MLLT3: variants seen among roughly 807,000 people sequenced by gnomAD.
MLLT3 encodes the protein protein AF-9.
Under a neutral mutation model 53.2 loss-of-function variants are expected in MLLT3, and 4 were observed. The ratio of observed to expected loss-of-function variants is 0.08; its 90% CI spans 0.04 to 0.17. MLLT3 has a LOEUF of 0.17. Among genes scored for constraint, MLLT3 ranks in the 10% least tolerant of loss-of-function variants. The probability of loss-of-function intolerance (pLI) is 1.00; values close to 1 mark genes in which losing one functional copy is unlikely to be tolerated. For synonymous variants in MLLT3, 283 were observed against 230.6 expected, an observed-to-expected ratio of 1.23 and a Z score of -2.06; for missense variants, 569 against 684.0, an observed-to-expected ratio of 0.83 and a Z score of 1.87.
rs1325847138 is a variant in MLLT3, at chr9:20,471,393, G to A, written c.194-14607C>T. The stretch of plus-strand genomic sequence containing the variant: ...AATATTCAGAAAGTCAAGGAGGACT[G>A]AGGTCTAGGTCTTCCACCTATGCGT... On this transcript the variant is annotated intron_variant, in intron 2 of 10. Transcript: ENST00000380338. Among the ~76,000 whole-genome samples, 5 of 152,004 alleles carry A rather than the reference G, an allele frequency of 3.3e-5. No homozygotes were observed. The South Asian group carries it at 6.2e-4, about 19-fold the overall frequency.
In MLLT3 at chr9:20,622,250, T is replaced by G; in HGVS notation, c.7A>C (p.Ser3Arg). The change falls in exon 1 of 11, where the codon AGC becomes CGC. Residue 3 changes from serine to arginine, a missense_variant. Physicochemically the swap from Ser to Arg is moderately radical, Grantham distance 110. Coordinates refer to ENST00000380338, the MANE Select transcript of MLLT3 (RefSeq NM_004529.4). The part of the protein sequence containing the change: MA[S>R]SCAVQVKLEL... ...TTATTTTTGCGCGTACTTACCGAGC[T>G]AGCCATGCCTGGGGGCCCGGAGGTT... 1 of 1,600,314 alleles carries G rather than the reference T, an allele frequency of 6.2e-7. No individual in the cohort carries two copies. Among genetic ancestry groups the G allele is most frequent in the Non-Finnish European group, 8.5e-7 (1 of 1,172,668 alleles).
chr9:20,621,674 C>T lies in MLLT3; in HGVS notation c.12+571G>A. 2 of 1,227,228 alleles carry T rather than the reference C, an allele frequency of 1.6e-6. No homozygotes were observed. Among genetic ancestry groups the T allele is most frequent in the South Asian group, 1.5e-5 (1 of 66,666 alleles). 76.0% of individuals were successfully genotyped at this position (1,227,228 alleles called of 1,614,324 possible). A position where few individuals can be genotyped will look rare whatever the true frequency, so the allele number is the denominator to read the frequency against. On this transcript the variant is annotated intron_variant, in intron 1 of 10. Coordinates refer to ENST00000380338, the MANE Select transcript of MLLT3 (RefSeq NM_004529.4). This position sits in a 1 kb window ranked among gnomAD's most constrained non-coding sequence, Gnocchi z 7.0. Reference sequence around the variant, plus strand: ...CGGACAGCCGCCGAGCCTCGGCTCGCGCTCAGCACCTCCCGGCGCTGGGGC... The same window carrying T: ...CGGACAGCCGCCGAGCCTCGGCTCGTGCTCAGCACCTCCCGGCGCTGGGGC...
At chr9:20,375,126 G>T (rs2118679958) in intron 5 of MLLT3, among the ~76,000 whole-genome samples, 1 of 152,316 alleles carries the variant, frequency 6.6e-6, no homozygotes, top group East Asian at 1.9e-4. Context: ...TGTTGCTTAA[G>T]ACACTCAGTC....
At chr9:20,597,230 A>C (rs60273282) in intron 2 of MLLT3, among the ~76,000 whole-genome samples, 3,960 of 152,154 alleles carry the variant, frequency 0.026, 192 homozygotes, top group African/African-American at 0.089. Context: ...TAATTATTGG[A>C]GAGTACCCAG....
Position 20,621,050 on chromosome 9 carries a change from G to C in MLLT3, c.13-216C>G. 2.9e-6 allele frequency: 2 copies of C among 689,920 alleles called. No homozygotes were observed. The highest frequency in any genetic ancestry group is 5.2e-6 in the Non-Finnish European group (2 of 381,644). 42.7% of individuals were successfully genotyped at this position (689,920 alleles called of 1,614,324 possible). On this transcript the variant is annotated intron_variant, in intron 1 of 10. Coordinates refer to ENST00000380338, the MANE Select transcript of MLLT3 (RefSeq NM_004529.4). This position sits in a 1 kb window ranked among gnomAD's most constrained non-coding sequence, Gnocchi z 7.0. Reference sequence around the variant, plus strand: ...CCCGGCTTGGCCCCAGGCGCCCCGGGCCCCGCATCTACATCGGACAGGATT... The same window carrying C: ...CCCGGCTTGGCCCCAGGCGCCCCGGCCCCCGCATCTACATCGGACAGGATT...
chr9:20,355,471 T>A (rs753951665), intron 8 of MLLT3, among the ~76,000 whole-genome samples: 1 of 152,232 alleles, frequency 6.6e-6, no homozygotes, highest in Admixed American at 6.5e-5. Flanking sequence ...TTTCCTTTTA[T>A]CTGGACTGAT....
At position 20,441,751 on chromosome 9, in the gene MLLT3, A is replaced by G. The variant is rs151064076; in HGVS notation, c.420+6372T>C. On this transcript the variant is annotated intron_variant, in intron 4 of 10. Transcript: ENST00000380338. ...TCCAAAACAAATATCCAAAAATCCAATGAAGCTGCCCAGTGACAGCCACTA... is the reference window on the plus strand; with the variant it reads ...TCCAAAACAAATATCCAAAAATCCAGTGAAGCTGCCCAGTGACAGCCACTA... Among the ~76,000 whole-genome samples, 968 of 152,248 alleles carry G rather than the reference A, an allele frequency of 6.4e-3. 11 individuals carry two copies. The highest frequency in any genetic ancestry group is 0.021 in the African/African-American group (873 of 41,552).
At chr9:20,405,894 C>G (rs1822565252) in intron 5 of MLLT3, among the ~76,000 whole-genome samples, 1 of 152,032 alleles carries the variant, frequency 6.6e-6, no homozygotes, top group Non-Finnish European at 1.5e-5. Context: ...GGTGGATCAC[C>G]TGATGTCAGG....
intron 4 of MLLT3, among the ~76,000 whole-genome samples, chr9:20,447,619 T>C (rs1823737294): frequency 6.6e-6 from 1 of 152,166 alleles, no homozygotes; most frequent in African/African-American, 2.4e-5. Flanking sequence ...AAAAGGAAAA[T>C]CCATCTTTTA....
chr9:20,583,817 G>A (rs1819871635), intron 2 of MLLT3, among the ~76,000 whole-genome samples: 3 of 152,104 alleles, frequency 2.0e-5, no homozygotes, highest in Admixed American at 2.0e-4. Flanking sequence ...TGGGACTCTG[G>A]GCATGTGATG....
chr9:20,414,274 G>A lies in MLLT3; in HGVS notation c.572C>T (p.Thr191Ile). 6.2e-7 allele frequency: 1 copy of A among 1,609,842 alleles called. No homozygotes were observed. Among genetic ancestry groups the A allele is most frequent in the East Asian group, 2.2e-5 (1 of 44,750 alleles). The part of the protein sequence containing the change: ...SSSSSSSSSS[T>I]SFSKPHKLMK... ...TAATTTGTGAGGCTTTGAAAAACTG[G>A]TACTACTGCTGCTGCTGCTGCTGCT... is the stretch of plus-strand genomic sequence containing the variant. The change falls in exon 5 of 11, where the codon ACC (threonine) becomes ATC (isoleucine). Residue 191 changes from threonine to isoleucine, a missense_variant. Transcript: ENST00000380338.
chr9:20,559,446 T>G (rs921580122), intron 2 of MLLT3, among the ~76,000 whole-genome samples: 1 of 152,224 alleles, frequency 6.6e-6, no homozygotes, highest in Non-Finnish European at 1.5e-5. Context: ...TTTACACCAG[T>G]GCAAAGGGTA....
chr9:20,457,266 G>A (rs1211497660), intron 2 of MLLT3, among the ~76,000 whole-genome samples: 1 of 12,190 alleles, frequency 8.2e-5, no homozygotes, highest in African/African-American at 2.3e-4. Flanking sequence ...TTTTTTTTTT[G>A]AGACGGAGTT....
chr9:20,389,725 T>C (rs544257000), intron 5 of MLLT3, among the ~76,000 whole-genome samples: 9 of 152,032 alleles, frequency 5.9e-5, no homozygotes, highest in Admixed American at 2.0e-4. Context: ...GGTTACAGTG[T>C]GCTACGACCA....
Position 20,620,887 on chromosome 9 carries a change from G to T in MLLT3, c.13-53C>A. On this transcript the variant is annotated intron_variant, in intron 1 of 10. Coordinates refer to ENST00000380338, the MANE Select transcript of MLLT3 (RefSeq NM_004529.4). The surrounding 1 kb of genome is among the most constrained non-coding windows in gnomAD (Gnocchi z 6.1). ...GTGAATAACAGGAAGGCGAGGTTTCGGCAGTGAACGTTGCGCCTGACATTT... is the reference window on the plus strand; with the variant it reads ...GTGAATAACAGGAAGGCGAGGTTTCTGCAGTGAACGTTGCGCCTGACATTT... The T allele has an allele frequency of 6.3e-7, 1 of 1,587,746 alleles. No individual in the cohort carries two copies. The highest frequency in any genetic ancestry group is 1.1e-5 in the South Asian group (1 of 90,538).
chr9:20,346,137 T>G lies in MLLT3; in HGVS notation c.*306A>C. The G allele has an allele frequency of 3.1e-6, 1 of 320,410 alleles. No individual in the cohort carries two copies. The highest frequency in any genetic ancestry group is 5.8e-6 in the Non-Finnish European group (1 of 172,480). 19.8% of individuals were successfully genotyped at this position (320,410 alleles called of 1,614,324 possible). A position where few individuals can be genotyped will look rare whatever the true frequency, so the allele number is the denominator to read the frequency against. The stretch of plus-strand genomic sequence containing the variant: ...ATGATACCATACACATTCTTTGAGT[T>G]TTCTTGTGTTGTGTTTGATTTGTTT... On this transcript the variant is annotated 3_prime_UTR_variant, in exon 11 of 11. Transcript: ENST00000380338.
chr9:20,372,277 T>TTGAA (rs1821625911), intron 5 of MLLT3, among the ~76,000 whole-genome samples: 2 of 152,208 alleles, frequency 1.3e-5, no homozygotes, highest in South Asian at 2.1e-4. Context: ...GTGGCAGGGT[T>TTGAA]TGAAAGAATT....
intron 8 of MLLT3, among the ~76,000 whole-genome samples, chr9:20,357,723 TCTC>T (rs1587148825): frequency 1.3e-5 from 2 of 152,164 alleles, no homozygotes; most frequent in African/African-American, 4.8e-5. Flanking sequence ...CTTCCCCTCT[TCTC>T]TAGTCCCTGG....
intron 2 of MLLT3, among the ~76,000 whole-genome samples, chr9:20,521,458 ATGTGTGTGTGTG>A (rs34711683): frequency 1.3e-5 from 2 of 148,536 alleles, no homozygotes; most frequent in Non-Finnish European, 3.0e-5. Flanking sequence ...GTGTGTGTAT[ATGTGTGTGTGTG>A]TGTGTGTGTG....
Sources: allele counts gnomAD v4.1 joint callset (sites outside exome capture counted in the v4.1 genomes callset), GRCh38; gene constraint gnomAD v4.1.1; non-coding constraint Gnocchi (gnomAD v3.1); transcripts MANE v1.5; gene names NCBI Gene and HGNC (gene_info 2026-07-23, HGNC 2026-07-21).